RABGAP1L: variants seen among roughly 807,000 people sequenced by gnomAD.
RABGAP1L encodes rab GTPase-activating protein 1-like.
Under a neutral mutation model 137.7 loss-of-function variants are expected in RABGAP1L, and 63 were observed. That is an observed-to-expected ratio of 0.46 (90% CI 0.37 to 0.56). The LOEUF is 0.56. Ranked by LOEUF, RABGAP1L falls within the 20% of genes least tolerant of loss-of-function variation. The probability of loss-of-function intolerance (pLI) is 0.00; values close to 1 mark genes in which losing one functional copy is unlikely to be tolerated. For synonymous variants in RABGAP1L, 431 were observed against 433.7 expected, an observed-to-expected ratio of 0.99 and a Z score of 0.08; for missense variants, 1,095 against 1,244.0, an observed-to-expected ratio of 0.88 and a Z score of 1.80.
Position 174,989,021 on chromosome 1 carries a change from T to C in RABGAP1L, c.3003+183T>C, listed in dbSNP as rs185466367. ...TTCTTAACGCTGATATAAACAAATATATAATTTTAAATGAAATTTTAATAA... is the reference window on the plus strand; with the variant it reads ...TTCTTAACGCTGATATAAACAAATACATAATTTTAAATGAAATTTTAATAA... On this transcript the variant is annotated intron_variant, in intron 25 of 25. Transcript: ENST00000681986. Among the ~76,000 whole-genome samples the C allele has an allele frequency of 3.9e-3, 593 of 152,348 alleles. 2 individuals are homozygous for C. The highest frequency in any genetic ancestry group is 0.014 in the Middle Eastern group (4 of 294).
At chr1:174,734,308 C>T (rs1412355608) in intron 17 of RABGAP1L, among the ~76,000 whole-genome samples, 2 of 151,960 alleles carry the variant, frequency 1.3e-5, no homozygotes, top group South Asian at 2.1e-4. Context: ...AGCTAGCTGA[C>T]GACCAGGTAT....
intron 14 of RABGAP1L, among the ~76,000 whole-genome samples, chr1:174,682,523 C>T (rs756683179): frequency 6.6e-6 from 1 of 151,662 alleles, no homozygotes; most frequent in Non-Finnish European, 1.5e-5. Context: ...AAGTGTTCCT[C>T]AAAGTCTACA....
chr1:174,973,447 C>T (rs1405887686), intron 21 of RABGAP1L, among the ~76,000 whole-genome samples: 4 of 144,566 alleles, frequency 2.8e-5, no homozygotes, highest in Non-Finnish European at 4.5e-5. Context: ...TGCAATAGTG[C>T]GATCTTGGCT....
intron 13 of RABGAP1L, among the ~76,000 whole-genome samples, chr1:174,616,848 A>C (rs1671927050): frequency 6.6e-6 from 1 of 152,218 alleles, no homozygotes; most frequent in South Asian, 2.1e-4. Context: ...CACTTGTTAA[A>C]AATGCAGACT....
chr1:174,963,648 G>A (rs1329100087), intron 20 of RABGAP1L, among the ~76,000 whole-genome samples: 1 of 151,670 alleles, frequency 6.6e-6, no homozygotes, highest in East Asian at 1.9e-4. Context: ...GTGTACTAGA[G>A]TAGAGCAAGG....
At chr1:174,785,824 A>G (rs1193155430) in intron 18 of RABGAP1L, among the ~76,000 whole-genome samples, 2 of 152,226 alleles carry the variant, frequency 1.3e-5, no homozygotes, top group Non-Finnish European at 1.5e-5. Flanking sequence ...ATACAGTAGA[A>G]TGCTTATATA....
At chr1:174,483,357 T>C (rs1659311278) in intron 13 of RABGAP1L, among the ~76,000 whole-genome samples, 1 of 152,200 alleles carries the variant, frequency 6.6e-6, no homozygotes, top group African/African-American at 2.4e-5. Context: ...TTTTAATTTT[T>C]AGCTCCCACA....
intron 17 of RABGAP1L, among the ~76,000 whole-genome samples, 175 bp from the exon 18 acceptor site, chr1:174,752,138 T>C (rs1386979995): frequency 6.6e-6 from 1 of 152,140 alleles, no homozygotes; most frequent in Non-Finnish European, 1.5e-5. Context: ...CTAAAATTTA[T>C]AACAAGCCAC....
intron 13 of RABGAP1L, among the ~76,000 whole-genome samples, chr1:174,518,537 A>G (rs138084784): frequency 3.9e-4 from 59 of 152,158 alleles, no homozygotes; most frequent in African/African-American, 1.4e-3. Flanking sequence ...TCACTGGTTG[A>G]TTGAATTTGC....
intron 18 of RABGAP1L, among the ~76,000 whole-genome samples, chr1:174,764,041 A>G (rs1685471697): frequency 6.6e-6 from 1 of 152,182 alleles, no homozygotes. Flanking sequence ...TGAACATTTC[A>G]TATAAATGGG....
intron 13 of RABGAP1L, among the ~76,000 whole-genome samples, chr1:174,635,410 C>T (rs957549636): frequency 2.0e-5 from 3 of 152,070 alleles, no homozygotes; most frequent in African/African-American, 7.2e-5. Flanking sequence ...TTGGAGAAAA[C>T]CTGGCAGTGA....
intron 14 of RABGAP1L, among the ~76,000 whole-genome samples, chr1:174,681,339 C>T (rs1229666599): frequency 6.6e-6 from 1 of 152,108 alleles, no homozygotes; most frequent in Non-Finnish European, 1.5e-5. Flanking sequence ...TATATTCATA[C>T]AGTATATATT....
intron 13 of RABGAP1L, among the ~76,000 whole-genome samples, chr1:174,636,302 AG>A (rs1269177659): frequency 4.6e-5 from 7 of 152,188 alleles, no homozygotes; most frequent in African/African-American, 1.7e-4. Context: ...GTGAATCACG[AG>A]GTCAGGAGTT....
intron 13 of RABGAP1L, among the ~76,000 whole-genome samples, chr1:174,400,227 T>C (rs1225124681): frequency 6.6e-6 from 1 of 152,200 alleles, no homozygotes; most frequent in Non-Finnish European, 1.5e-5. Context: ...CTCTATCTTT[T>C]ATACCTTTTA....
intron 13 of RABGAP1L, among the ~76,000 whole-genome samples, chr1:174,420,807 T>C (rs948171474): frequency 6.6e-6 from 1 of 151,890 alleles, no homozygotes; most frequent in African/African-American, 2.4e-5. Flanking sequence ...CCCGAGTAGC[T>C]GGGACTACAG....
chr1:174,737,256 T>C (rs1392722618), intron 17 of RABGAP1L, among the ~76,000 whole-genome samples: 1 of 152,198 alleles, frequency 6.6e-6, no homozygotes, highest in Non-Finnish European at 1.5e-5. Flanking sequence ...GCAGCCATAC[T>C]ACCTCTAGAA....
intron 13 of RABGAP1L, among the ~76,000 whole-genome samples, chr1:174,469,216 G>A (rs61826876): frequency 1.3e-5 from 2 of 152,108 alleles, no homozygotes; most frequent in East Asian, 3.9e-4. Context: ...TTAAATCTTT[G>A]TGCTTATATA....
intron 18 of RABGAP1L, among the ~76,000 whole-genome samples, chr1:174,810,513 C>CT (rs1347450446): frequency 6.6e-6 from 1 of 152,158 alleles, no homozygotes; most frequent in Non-Finnish European, 1.5e-5. Context: ...TTCCTGCCTA[C>CT]TTTTTCAGTG....
chr1:174,438,908 T>C (rs1316733239), intron 13 of RABGAP1L, among the ~76,000 whole-genome samples: 1 of 151,616 alleles, frequency 6.6e-6, no homozygotes, highest in Non-Finnish European at 1.5e-5. Context: ...TCCTACTGTT[T>C]CTTACAAGTA....
Sources: gnomAD v4.1 joint callset for allele counts (sites outside exome capture counted in the v4.1 genomes callset) on GRCh38, gnomAD v4.1.1 for gene constraint, MANE v1.5 for transcripts, NCBI Gene and HGNC (gene_info 2026-07-23, HGNC 2026-07-21) for gene names.